The following SLC25A44 variants were observed in gnomAD, a reference collection of about 807,000 sequenced individuals.
SLC25A44 encodes solute carrier family 25, member 44.
Under a neutral mutation model 29.9 loss-of-function variants are expected in SLC25A44, and 17 were observed. That is an observed-to-expected ratio of 0.57 (90% CI 0.39 to 0.85). The LOEUF (loss-of-function observed/expected upper bound fraction) is 0.85. Among genes scored for constraint, SLC25A44 ranks in the 40% least tolerant of loss-of-function variants. The pLI is 0.00. For missense variants in SLC25A44, 302 were observed against 398.4 expected (o/e 0.76, Z 2.06); for synonymous variants, 140 against 151.8 (o/e 0.92, Z 0.57).
intron 3 of SLC25A44, among the ~76,000 whole-genome samples, chr1:156,209,172 TAATA>T (rs1657139061): frequency 6.6e-6 from 1 of 152,100 alleles, no homozygotes; most frequent in African/African-American, 2.4e-5. Flanking sequence ...GGTTTGCAAA[TAATA>T]AAGTGCACAG....
chr1:156,206,880 T>C (rs1656967171), intron 2 of SLC25A44, among the ~76,000 whole-genome samples: 1 of 152,156 alleles, frequency 6.6e-6, no homozygotes, highest in Non-Finnish European at 1.5e-5. Context: ...TCAATGCATA[T>C]AGAAGCAAAT....
chr1:156,209,920 A>T (rs1287936459), intron 3 of SLC25A44, among the ~76,000 whole-genome samples: 2 of 150,382 alleles, frequency 1.3e-5, no homozygotes, highest in East Asian at 1.9e-4. Flanking sequence ...ATTTATGAAT[A>T]TTTTTTTTTT....
intron 2 of SLC25A44, 81 bp from the exon 3 acceptor site, chr1:156,207,805 A>G (rs1657048557): frequency 1.3e-6 from 2 of 1,551,730 alleles, no homozygotes; most frequent in Non-Finnish European, 1.8e-6. Flanking sequence ...TGGGAAAGCC[A>G]CCTGGTAGAA....
intron 1 of SLC25A44, among the ~76,000 whole-genome samples, chr1:156,195,789 C>T (rs1656177099): frequency 6.6e-6 from 1 of 152,188 alleles, no homozygotes; most frequent in African/African-American, 2.4e-5. Flanking sequence ...TTCTAGGTGA[C>T]ACTACCTTCT....
intron 2 of SLC25A44, among the ~76,000 whole-genome samples, chr1:156,205,213 T>C (rs1433388060): frequency 6.6e-6 from 1 of 152,102 alleles, no homozygotes; most frequent in African/African-American, 2.4e-5. Context: ...CTGGCTAATT[T>C]TGTATTTTTA....
chr1:156,206,832 C>T (rs577924167), intron 2 of SLC25A44, among the ~76,000 whole-genome samples: 1 of 152,242 alleles, frequency 6.6e-6, no homozygotes, highest in Admixed American at 6.5e-5. Context: ...CACTGTCTGG[C>T]CATGTCACTG....
chr1:156,209,969 ACT>A (rs1657186635), intron 3 of SLC25A44, among the ~76,000 whole-genome samples: 1 of 151,560 alleles, frequency 6.6e-6, no homozygotes, highest in South Asian at 2.1e-4. Flanking sequence ...TACTATTATC[ACT>A]GTTTTATATT....
intron 1 of SLC25A44, chr1:156,196,305 AG>A (rs1372854173): frequency 2.6e-5 from 4 of 152,186 alleles, no homozygotes; most frequent in African/African-American, 7.2e-5. Context: ...CCCCTTTTGA[AG>A]GGGTAAAGGG....
At chr1:156,196,655 T>G (rs1428064752) in intron 1 of SLC25A44, 1 of 152,206 alleles carries the variant, frequency 6.6e-6, no homozygotes, top group Non-Finnish European at 1.5e-5. Flanking sequence ...GCCCTCCTGC[T>G]TGAGCCCTGC....
At chr1:156,194,855 ATGATT>A in intron 1 of SLC25A44, among the ~76,000 whole-genome samples, 1 of 152,248 alleles carries the variant, frequency 6.6e-6, no homozygotes, top group East Asian at 1.9e-4. Flanking sequence ...GTTGTAGAAG[ATGATT>A]TGATTTGAAA....
At position 156,200,405 on chromosome 1, in the gene SLC25A44, T is replaced by C. The variant is rs1242557680; in HGVS notation, c.558T>C (p.Tyr186=). 3.1e-6 allele frequency: 5 copies of C among 1,613,870 alleles called. No individual in the cohort carries two copies. In the Admixed American group the frequency reaches 8.3e-5, roughly 27 times the overall value. ...ADGLRGFYRG[Y]VASLLTYIPN... ...GACTTCGCGGCTTCTATCGAGGCTATGTGGCTTCACTGCTTACCTATATCC... is the reference window on the plus strand; with the variant it reads ...GACTTCGCGGCTTCTATCGAGGCTACGTGGCTTCACTGCTTACCTATATCC... Residue 186 remains tyrosine (Y), a synonymous_variant, in exon 2 of 4, where the codon TAT becomes TAC. Coordinates refer to ENST00000359511, the MANE Select transcript of SLC25A44 (RefSeq NM_014655.4).
At position 156,207,975 on chromosome 1, in the gene SLC25A44, C is replaced by T; in HGVS notation, c.715C>T (p.Leu239Phe). The T allele has an allele frequency of 1.9e-6, 3 of 1,614,158 alleles. No individual in the cohort carries two copies. The highest frequency in any genetic ancestry group is 2.5e-6 in the Non-Finnish European group (3 of 1,180,004). The change falls in exon 3 of 4, where the codon CTC becomes TTC. Residue 239 changes from leucine to phenylalanine, a missense_variant. By Grantham distance (22) the Leu-to-Phe change is conservative (BLOSUM62 0). Transcript: ENST00000359511. ...GPLAAATASILTNPMDVIRTR... is the reference protein window; with the variant it reads ...GPLAAATASIFTNPMDVIRTR... The stretch of plus-strand genomic sequence containing the variant: ...CCTGGCTGCAGCCACTGCCTCCATC[C>T]TCACCAATCCCATGGATGTCATACG...
At chr1:156,201,495 C>T (rs1204042136) in intron 2 of SLC25A44, among the ~76,000 whole-genome samples, 1 of 152,178 alleles carries the variant, frequency 6.6e-6, no homozygotes, top group Non-Finnish European at 1.5e-5. Context: ...AAACTTCTGA[C>T]CAAAATTTTC....
intron 2 of SLC25A44, among the ~76,000 whole-genome samples, chr1:156,206,027 T>C (rs1008825149): frequency 4.6e-5 from 7 of 152,338 alleles, no homozygotes; most frequent in Non-Finnish European, 1.0e-4. Flanking sequence ...TTTTGAAAGA[T>C]GAATTTTCTT....
In SLC25A44 at chr1:156,212,784, A is replaced by C; in HGVS notation, c.*2353A>C. ...CTCTGAAATGTAATTAAAAGTTTTT[A>C]TTGAGCCCCCGAGCTTTGGCTTGCG... On this transcript the variant is annotated 3_prime_UTR_variant, in exon 4 of 4. Coordinates refer to ENST00000359511, the MANE Select transcript of SLC25A44 (RefSeq NM_014655.4). 2 of 603,498 alleles carry C rather than the reference A, an allele frequency of 3.3e-6. No individual in the cohort carries two copies. The highest frequency in any genetic ancestry group is 5.7e-6 in the Non-Finnish European group (2 of 350,180). 37.4% of individuals were successfully genotyped at this position (603,498 alleles called of 1,614,324 possible).
chr1:156,199,933 T>C lies in SLC25A44; in HGVS notation c.86T>C (p.Met29Thr), dbSNP rs1333942531. The stretch of plus-strand genomic sequence containing the variant: ...TACGTGTTTGGTGTGGCAATGACAA[T>C]GATGATCCGTGTCAGTGTCTACCCA... The part of the protein sequence containing the change: ...KFYVFGVAMT[M>T]MIRVSVYPFT... Residue 29 changes from methionine to threonine, a missense_variant, in exon 2 of 4, where the codon ATG (methionine) becomes ACG (threonine). By Grantham distance (81) the Met-to-Thr change is moderately conservative. Coordinates refer to ENST00000359511, the MANE Select transcript of SLC25A44 (RefSeq NM_014655.4). The C allele has an allele frequency of 6.2e-7, 1 of 1,614,104 alleles. No individual in the cohort carries two copies. Among genetic ancestry groups the C allele is most frequent in the South Asian group, 1.1e-5 (1 of 91,086 alleles).
intron 2 of SLC25A44, among the ~76,000 whole-genome samples, chr1:156,207,558 G>A (rs994446802): frequency 6.6e-6 from 1 of 152,116 alleles, no homozygotes; most frequent in African/African-American, 2.4e-5. Context: ...GCTGAGATGG[G>A]AGGATTGCTT....
chr1:156,210,479 A>G lies in SLC25A44; in HGVS notation c.*48A>G. 7.0e-7 allele frequency: 1 copy of G among 1,436,540 alleles called. No individual in the cohort carries two copies. The highest frequency in any genetic ancestry group is 1.4e-5 in the South Asian group (1 of 72,446). 89.0% of individuals were successfully genotyped at this position (1,436,540 alleles called of 1,614,324 possible). ...GCTGTTTTCCACACTACCGTGGGTC[A>G]GGGGCAGAGTGGAGAGGACAGCACC... On this transcript the variant is annotated 3_prime_UTR_variant, in exon 4 of 4. Coordinates refer to ENST00000359511, the MANE Select transcript of SLC25A44 (RefSeq NM_014655.4).
intron 2 of SLC25A44, among the ~76,000 whole-genome samples, chr1:156,203,343 G>A (rs943364909): frequency 6.6e-6 from 1 of 152,134 alleles, no homozygotes; most frequent in Admixed American, 6.6e-5. Context: ...TTATATTTCA[G>A]CACCTTGTTT....
Sources: gnomAD v4.1 joint callset for allele counts (sites outside exome capture counted in the v4.1 genomes callset) on GRCh38, gnomAD v4.1.1 for gene constraint, MANE v1.5 for transcripts, NCBI Gene and HGNC (gene_info 2026-07-23, HGNC 2026-07-21) for gene names.